Variants in MYO9A observed in about 807,000 individuals in gnomAD.
MYO9A encodes unconventional myosin-IXa.
MYO9A carries 103 observed loss-of-function variants against 293.3 expected under a neutral mutation model. The observed-to-expected ratio is 0.35, with a 90% CI of 0.30 to 0.41. MYO9A has a LOEUF of 0.41. MYO9A is among the 10% of genes least tolerant of loss of function. The pLI is 1.00. For missense variants in MYO9A, 2,685 were observed against 3,033.0 expected (o/e 0.89, Z 2.69); for synonymous variants, 1,001 against 1,035.7 (o/e 0.97, Z 0.64).
chr15:72,026,058 G>A (rs967632965), intron 4 of MYO9A, among the ~76,000 whole-genome samples: 1 of 151,980 alleles, frequency 6.6e-6, no homozygotes, highest in African/African-American at 2.4e-5. Flanking sequence ...CAGATCACAA[G>A]GTCAGGAGAT....
chr15:71,945,302 T>A (rs189566577), intron 15 of MYO9A, among the ~76,000 whole-genome samples: 7 of 152,296 alleles, frequency 4.6e-5, no homozygotes, highest in Admixed American at 4.6e-4. Flanking sequence ...TTTTGGCTAC[T>A]CACAAATAGC....
chr15:72,109,385 G>C (rs1239596049), intron 1 of MYO9A, among the ~76,000 whole-genome samples: 1 of 146,450 alleles, frequency 6.8e-6, no homozygotes, highest in Non-Finnish European at 1.5e-5. Flanking sequence ...GCAAGGCTCT[G>C]TCTAAAAAAA....
At chr15:72,050,953 T>C (rs920266347) in intron 1 of MYO9A, among the ~76,000 whole-genome samples, 3 of 152,258 alleles carry the variant, frequency 2.0e-5, no homozygotes, top group East Asian at 1.9e-4. Context: ...TGTACTCACA[T>C]AGTTATTTTT....
Position 71,828,113 on chromosome 15 carries a change from AAT to A in MYO9A, c.7041-89_7041-88del. The A allele has an allele frequency of 2.1e-6, 3 of 1,458,992 alleles. No homozygotes were observed. In the South Asian group the frequency reaches 4.1e-5, roughly 20 times the overall value. The allele number at this position is 1,458,992 out of a possible 1,614,324, so 90.4% of individuals were successfully genotyped here. A position where few individuals can be genotyped will look rare whatever the true frequency, so the allele number is the denominator to read the frequency against. On this transcript the variant is annotated intron_variant, in intron 40 of 41. Transcript: ENST00000356056. ...AAAAAGATCCTCCATGGAAGTCAGG[AAT>A]CTAAGAAGCAAAGAGAGTCCATTTT...
intron 39 of MYO9A, among the ~76,000 whole-genome samples, chr15:71,833,302 A>G (rs2054804049): frequency 6.6e-6 from 1 of 152,114 alleles, no homozygotes; most frequent in Non-Finnish European, 1.5e-5. Flanking sequence ...AAAAAAAGAC[A>G]TACCATGCAA....
chr15:72,033,959 C>T (rs952227768), intron 2 of MYO9A, among the ~76,000 whole-genome samples: 1 of 152,102 alleles, frequency 6.6e-6, no homozygotes, highest in African/African-American at 2.4e-5. Flanking sequence ...AATGGCATGC[C>T]CTCTAACTCC....
intron 40 of MYO9A, 91 bp downstream of exon 40, chr15:71,830,018 A>T: frequency 7.9e-7 from 1 of 1,267,138 alleles, no homozygotes; most frequent in Non-Finnish European, 1.1e-6. Flanking sequence ...AACACACAGG[A>T]GATAATAAAT....
chr15:71,901,877 G>C (rs931948867), intron 22 of MYO9A, among the ~76,000 whole-genome samples: 3 of 152,126 alleles, frequency 2.0e-5, no homozygotes, highest in African/African-American at 7.2e-5. Context: ...CTTGAAGCTT[G>C]AATCATATAA....
intron 6 of MYO9A, 59 bp from the exon 7 acceptor site, chr15:72,010,506 C>T (rs920072577): frequency 7.0e-7 from 1 of 1,435,194 alleles, no homozygotes; most frequent in Non-Finnish European, 9.6e-7. Context: ...ATAATGTGGG[C>T]CATTCAGAAA....
chr15:72,108,408 A>G (rs2080651515), intron 1 of MYO9A, among the ~76,000 whole-genome samples: 1 of 152,226 alleles, frequency 6.6e-6, no homozygotes, highest in Non-Finnish European at 1.5e-5. Flanking sequence ...CCAGAAGAAC[A>G]AGTTAAACAA....
chr15:71,951,699 C>T, intron 15 of MYO9A, 78 bp downstream of exon 15: 3 of 1,562,860 alleles, frequency 1.9e-6, no homozygotes, highest in Non-Finnish European at 2.6e-6. Flanking sequence ...ATCTATATCC[C>T]ACCCTGGTGT....
chr15:72,080,467 A>G (rs1255351992), intron 1 of MYO9A, among the ~76,000 whole-genome samples: 1 of 152,034 alleles, frequency 6.6e-6, no homozygotes, highest in Non-Finnish European at 1.5e-5. Flanking sequence ...CCACCAACCT[A>G]TGAAGACAGT....
At chr15:71,992,162 GC>G (rs1266533814) in intron 10 of MYO9A, among the ~76,000 whole-genome samples, 1 of 152,030 alleles carries the variant, frequency 6.6e-6, no homozygotes, top group Non-Finnish European at 1.5e-5. Context: ...AGCAATCCCT[GC>G]CTCATCATCA....
At position 71,897,660 on chromosome 15, in the gene MYO9A, T is replaced by G. The variant is rs781294239; in HGVS notation, c.4843A>C (p.Ser1615Arg). Residue 1615 changes from serine to arginine, a missense_variant, in exon 25 of 42, where the codon AGT becomes CGT. Ser to Arg is a moderately radical substitution (Grantham distance 110). Transcript: ENST00000356056. ...GTCTTGGATAATTCCTTGACAGTAC[T>G]AGATTGGCATGGACTTCCTTTTCTT... ...FERKGSPCQS[S>R]TVKELSKTDR... 2.5e-6 allele frequency: 4 copies of G among 1,614,160 alleles called. No homozygotes were observed. In the Admixed American group the frequency reaches 6.7e-5, roughly 27 times the overall value.
At chr15:71,850,803 A>G (rs1341286526) in intron 37 of MYO9A, among the ~76,000 whole-genome samples, 2 of 129,766 alleles carry the variant, frequency 1.5e-5, no homozygotes, top group African/African-American at 6.5e-5. Flanking sequence ...AAAAAAAAAG[A>G]ATGCAGAGTA....
intron 8 of MYO9A, among the ~76,000 whole-genome samples, chr15:72,007,485 G>A (rs2077050059): frequency 6.6e-6 from 1 of 151,684 alleles, no homozygotes. Flanking sequence ...AGTATGAGAA[G>A]AAATCTCAAA....
At chr15:72,000,908 A>G (rs1261162333) in intron 8 of MYO9A, among the ~76,000 whole-genome samples, 2 of 152,220 alleles carry the variant, frequency 1.3e-5, no homozygotes, top group African/African-American at 4.8e-5. Context: ...ACGATTTACA[A>G]TTTTGTATGA....
chr15:71,875,841 G>T lies in MYO9A; in HGVS notation c.5932-3C>A. The stretch of plus-strand genomic sequence containing the variant: ...TTCTTTCTTTCTGTTTTTGGCACCT[G>T]ACAGGGGGACAGGAGATATATGGAA... On this transcript the variant is annotated splice_polypyrimidine_tract_variant and splice_region_variant and intron_variant, in intron 31 of 41. Transcript: ENST00000356056. The T allele has an allele frequency of 2.9e-6, 4 of 1,364,538 alleles. No individual in the cohort carries two copies. Among genetic ancestry groups the T allele is most frequent in the South Asian group, 3.9e-5 (2 of 51,150 alleles). The allele number at this position is 1,364,538 out of a possible 1,614,324, so 84.5% of individuals were successfully genotyped here. A position where few individuals can be genotyped will look rare whatever the true frequency, so the allele number is the denominator to read the frequency against.
intron 1 of MYO9A, among the ~76,000 whole-genome samples, chr15:72,059,248 C>T (rs2078811059): frequency 6.6e-6 from 1 of 152,082 alleles, no homozygotes; most frequent in Admixed American, 6.5e-5. Flanking sequence ...TGAATAGTAC[C>T]AAAGCATTAC....
Sources: allele counts gnomAD v4.1 joint callset (sites outside exome capture counted in the v4.1 genomes callset), GRCh38; gene constraint gnomAD v4.1.1; transcripts MANE v1.5; gene names NCBI Gene and HGNC (gene_info 2026-07-23, HGNC 2026-07-21).